Variants in C1QTNF3 observed in about 807,000 individuals in gnomAD.
C1QTNF3 encodes the protein C1q and TNF related 3, also known as complement C1q tumor necrosis factor-related protein 3.
A neutral mutation model predicts 32.6 loss-of-function variants in C1QTNF3; 26 were observed. The observed-to-expected ratio is 0.80, with a 90% CI of 0.58 to 1.11. The LOEUF (loss-of-function observed/expected upper bound fraction) is 1.11, where lower values mean the gene tolerates loss of function less well. Among genes scored for constraint, C1QTNF3 ranks in the 50% least tolerant of loss-of-function variants. The pLI is 0.00. For missense variants in C1QTNF3, 362 were observed against 398.2 expected, an observed-to-expected ratio of 0.91 and a Z score of 0.77; for synonymous variants, 155 against 146.0, an observed-to-expected ratio of 1.06 and a Z score of -0.44.
the C1QTNF3 span, among the ~76,000 whole-genome samples, chr5:34,052,056 C>T: frequency 6.6e-6 from 1 of 152,060 alleles, no homozygotes; most frequent in African/African-American, 2.4e-5. Context: ...GAGAGTTGCT[C>T]GAACCCCGGA....
the C1QTNF3 span, among the ~76,000 whole-genome samples, chr5:34,066,718 G>C: frequency 6.6e-6 from 1 of 152,190 alleles, no homozygotes; most frequent in African/African-American, 2.4e-5. Context: ...CCCTGGACCT[G>C]TGATGGGAGG....
At chr5:34,137,321 ATTC>A in the C1QTNF3 span, among the ~76,000 whole-genome samples, 1 of 152,230 alleles carries the variant, frequency 6.6e-6, no homozygotes, top group African/African-American at 2.4e-5. Flanking sequence ...AGTTCACCAG[ATTC>A]TTCATTTCTA....
Position 34,033,465 on chromosome 5 carries a change from C to G in C1QTNF3, c.416-7G>C, listed in dbSNP as rs1754666477. ...CCATTGTTTCCATGGTTTCCTTAAA[C>G]AACCAGACATCATCACATGAGAAAA... On this transcript the variant is annotated splice_polypyrimidine_tract_variant and splice_region_variant and intron_variant, in intron 2 of 5. Coordinates refer to ENST00000382065, the MANE Select transcript of C1QTNF3 (RefSeq NM_181435.6). 1 of 1,614,052 alleles carries G rather than the reference C, an allele frequency of 6.2e-7. No homozygotes were observed. The highest frequency in any genetic ancestry group is 1.3e-5 in the African/African-American group (1 of 74,910).
chr5:34,127,314 A>G, the C1QTNF3 span, among the ~76,000 whole-genome samples: 1 of 152,114 alleles, frequency 6.6e-6, no homozygotes, highest in Admixed American at 6.5e-5. Flanking sequence ...AACTTCCTAG[A>G]GACTTGTTGA....
At chr5:34,046,889 A>G (rs1364818238), upstream of C1QTNF3, among the ~76,000 whole-genome samples, 1 of 152,216 alleles carries the variant, frequency 6.6e-6, no homozygotes, top group Admixed American at 6.5e-5. Context: ...TGGGCCAGAG[A>G]GAAGAGTCCC....
At chr5:34,172,013 A>T in the C1QTNF3 span, among the ~76,000 whole-genome samples, 2 of 152,168 alleles carry the variant, frequency 1.3e-5, no homozygotes, top group African/African-American at 4.8e-5. Context: ...AGATGTTGTC[A>T]AATGTTATAA....
rs746335883 is a variant in C1QTNF3, at chr5:34,035,691, C to A, written c.371G>T (p.Gly124Val). 1 of 1,611,598 alleles carries A rather than the reference C, an allele frequency of 6.2e-7. No homozygotes were observed. The highest frequency in any genetic ancestry group is 8.5e-7 in the Non-Finnish European group (1 of 1,179,364). ...KCCHGDYSFRGYQGPPGPPGP... is the reference protein window; with the variant it reads ...KCCHGDYSFRVYQGPPGPPGP... Reference sequence around the variant, plus strand: ...CGGTGGCCCAGGGGGGCCTTGGTAGCCTCGAAAGCTGTAGTCTCCATGACA... The same window carrying A: ...CGGTGGCCCAGGGGGGCCTTGGTAGACTCGAAAGCTGTAGTCTCCATGACA... Residue 124 changes from glycine to valine, a missense_variant, in exon 2 of 6, where the codon GGC (glycine) becomes GTC (valine). Transcript: ENST00000382065.
At chr5:34,030,241 T>C (rs559295247) in intron 3 of C1QTNF3, among the ~76,000 whole-genome samples, 87 of 152,352 alleles carry the variant, frequency 5.7e-4, no homozygotes, top group African/African-American at 2.0e-3. Context: ...TGGGAATGGT[T>C]ACAAATACTT....
the C1QTNF3 span, among the ~76,000 whole-genome samples, chr5:34,079,358 C>CAT: frequency 6.6e-5 from 10 of 151,692 alleles, no homozygotes; most frequent in Non-Finnish European, 1.5e-4. Context: ...ACTGCTGGAT[C>CAT]ATATGGTCAT....
At chr5:34,217,033 A>C in the C1QTNF3 span, among the ~76,000 whole-genome samples, 1 of 152,182 alleles carries the variant, frequency 6.6e-6, no homozygotes, top group African/African-American at 2.4e-5. Context: ...TTTAACAGAC[A>C]CTATTCATCT....
At chr5:34,089,181 C>T in the C1QTNF3 span, among the ~76,000 whole-genome samples, 4 of 152,260 alleles carry the variant, frequency 2.6e-5, 1 homozygote, top group African/African-American at 9.6e-5. Context: ...ATCGCTCTAA[C>T]AGGGTTGAAT....
the C1QTNF3 span, among the ~76,000 whole-genome samples, chr5:34,095,019 A>G: frequency 1.3e-5 from 2 of 151,874 alleles, no homozygotes; most frequent in African/African-American, 2.4e-5. Context: ...TATAATGCAC[A>G]TGTGTATAAT....
the C1QTNF3 span, among the ~76,000 whole-genome samples, chr5:34,061,411 G>A: frequency 2.0e-5 from 3 of 152,274 alleles, no homozygotes; most frequent in South Asian, 6.2e-4. Context: ...ACTAAGCAGT[G>A]CCCCAGTAGG....
the C1QTNF3 span, among the ~76,000 whole-genome samples, chr5:34,079,601 G>A: frequency 4.4e-4 from 66 of 151,716 alleles, no homozygotes; most frequent in East Asian, 0.011. Context: ...ATTCTTCAGC[G>A]TTAAAAAATA....
At chr5:34,072,654 A>T in the C1QTNF3 span, among the ~76,000 whole-genome samples, 1 of 152,030 alleles carries the variant, frequency 6.6e-6, no homozygotes, top group African/African-American at 2.4e-5. Flanking sequence ...ACTTAATTTC[A>T]GGTAAAGTAA....
At chr5:34,170,352 C>A in the C1QTNF3 span, among the ~76,000 whole-genome samples, 2 of 152,060 alleles carry the variant, frequency 1.3e-5, no homozygotes, top group South Asian at 2.1e-4. Context: ...TAGAGAGGGG[C>A]TGTTCAATAT....
the C1QTNF3 span, among the ~76,000 whole-genome samples, chr5:34,111,356 A>C: frequency 6.6e-6 from 1 of 152,188 alleles, no homozygotes; most frequent in Admixed American, 6.5e-5. Context: ...TTCTTCCTTC[A>C]GCTCATTAAT....
chr5:34,165,521 CAT>C, the C1QTNF3 span: 1 of 152,072 alleles, frequency 6.6e-6, no homozygotes, highest in Non-Finnish European at 1.5e-5. Context: ...TATTTAAAAA[CAT>C]ATTCAGCATC....
chr5:34,210,224 G>A, the C1QTNF3 span, among the ~76,000 whole-genome samples: 3 of 151,936 alleles, frequency 2.0e-5, no homozygotes, highest in Admixed American at 1.3e-4. Context: ...ACTTTAAAGT[G>A]ATCAGATAAG....
Sources: gnomAD v4.1 joint callset for allele counts (sites outside exome capture counted in the v4.1 genomes callset) on GRCh38, gnomAD v4.1.1 for gene constraint, MANE v1.5 for transcripts, NCBI Gene and HGNC (gene_info 2026-07-23, HGNC 2026-07-21) for gene names.